ARHGEF37: variants seen among roughly 807,000 people sequenced by gnomAD.
The protein encoded by ARHGEF37 is Rho guanine nucleotide exchange factor (GEF) 37.
Under a neutral mutation model 71.1 loss-of-function variants are expected in ARHGEF37, and 55 were observed. That is an observed-to-expected ratio of 0.77 (90% CI 0.62 to 0.97). The LOEUF is 0.97. ARHGEF37 is among the 50% of genes least tolerant of loss of function. The pLI, the probability that ARHGEF37 is intolerant of heterozygous loss-of-function variation, is 0.00. For synonymous variants in ARHGEF37, 327 were observed against 350.6 expected, an observed-to-expected ratio of 0.93 and a Z score of 0.75; for missense variants, 765 against 836.8, an observed-to-expected ratio of 0.91 and a Z score of 1.06.
At chr5:149,562,619 T>C (rs990408211) in intron 1 of ARHGEF37, among the ~76,000 whole-genome samples, 12 of 152,090 alleles carry the variant, frequency 7.9e-5, no homozygotes, top group Non-Finnish European at 1.2e-4. Flanking sequence ...GCTAACTTTT[T>C]GTATTTTTAG....
intron 1 of ARHGEF37, among the ~76,000 whole-genome samples, chr5:149,556,587 A>C (rs1362007220): frequency 6.6e-6 from 1 of 152,014 alleles, no homozygotes; most frequent in African/African-American, 2.4e-5. Context: ...GGGTTTCACC[A>C]TGTTGACCAG....
chr5:149,620,823 CCTT>C (rs1395904690), intron 8 of ARHGEF37, among the ~76,000 whole-genome samples: 1 of 67,234 alleles, frequency 1.5e-5, no homozygotes, highest in Non-Finnish European at 3.2e-5. Flanking sequence ...GAGTGAGACT[CCTT>C]CTCAAAAAAA....
intron 2 of ARHGEF37, among the ~76,000 whole-genome samples, chr5:149,600,522 A>T (rs1423451655): frequency 2.0e-5 from 3 of 152,256 alleles, no homozygotes; most frequent in Admixed American, 6.5e-5. Flanking sequence ...CTTCAATGAC[A>T]GATGGGGAAA....
intron 1 of ARHGEF37, among the ~76,000 whole-genome samples, chr5:149,572,198 G>A (rs976327679): frequency 1.3e-5 from 2 of 152,130 alleles, no homozygotes; most frequent in Non-Finnish European, 2.9e-5. Context: ...TTCAATGGAG[G>A]AAAAGAAAGT....
At chr5:149,569,768 G>A (rs944959533) in intron 1 of ARHGEF37, among the ~76,000 whole-genome samples, 14 of 151,802 alleles carry the variant, frequency 9.2e-5, no homozygotes, top group South Asian at 2.1e-4. Context: ...TTACAGGTGC[G>A]CACCACCACG....
intron 4 of ARHGEF37, among the ~76,000 whole-genome samples, chr5:149,612,664 G>T (rs1478536385): frequency 6.6e-6 from 1 of 152,174 alleles, no homozygotes. Context: ...AATGTTCAGG[G>T]GGACATATGA....
intron 1 of ARHGEF37, among the ~76,000 whole-genome samples, chr5:149,582,417 G>C (rs1763127876): frequency 6.6e-6 from 1 of 152,210 alleles, no homozygotes; most frequent in African/African-American, 2.4e-5. Flanking sequence ...TGTGCGTCCA[G>C]ACAGCCAGCT....
intron 1 of ARHGEF37, among the ~76,000 whole-genome samples, chr5:149,564,583 G>A (rs1382494631): frequency 2.0e-5 from 3 of 152,158 alleles, no homozygotes; most frequent in Non-Finnish European, 2.9e-5. Context: ...CCAGCACTTT[G>A]GGAGGCCAAG....
At chr5:149,585,254 A>G (rs1763199425) in intron 1 of ARHGEF37, among the ~76,000 whole-genome samples, 1 of 152,218 alleles carries the variant, frequency 6.6e-6, no homozygotes, top group Non-Finnish European at 1.5e-5. Context: ...ATACACACTT[A>G]ACTTATAAAG....
intron 1 of ARHGEF37, among the ~76,000 whole-genome samples, chr5:149,587,352 C>T (rs1763267940): frequency 6.6e-6 from 1 of 152,116 alleles, no homozygotes; most frequent in Admixed American, 6.5e-5. Context: ...AATGGTAATG[C>T]TACCCTTTCC....
chr5:149,572,153 T>C (rs1762974515), intron 1 of ARHGEF37, among the ~76,000 whole-genome samples: 1 of 152,278 alleles, frequency 6.6e-6, no homozygotes, highest in South Asian at 2.1e-4. Flanking sequence ...CACCTTTATA[T>C]GGTCAATTGA....
chr5:149,586,520 C>T (rs1422555569), intron 1 of ARHGEF37, among the ~76,000 whole-genome samples: 2 of 152,236 alleles, frequency 1.3e-5, no homozygotes, highest in East Asian at 3.9e-4. Context: ...GCCTCGGCCT[C>T]CCGAAGTGCC....
chr5:149,602,816 G>C (rs1381073825), intron 3 of ARHGEF37, among the ~76,000 whole-genome samples: 4 of 152,088 alleles, frequency 2.6e-5, no homozygotes, highest in Non-Finnish European at 5.9e-5. Context: ...AAAGGAGGAG[G>C]AGATGAAGGT....
At chr5:149,622,235 T>C (rs1752569191) in intron 9 of ARHGEF37, among the ~76,000 whole-genome samples, 173 bp downstream of exon 9, 1 of 152,116 alleles carries the variant, frequency 6.6e-6, no homozygotes, top group Non-Finnish European at 1.5e-5. Context: ...ATGCCCAGTC[T>C]CCCTCTGTTA....
intron 1 of ARHGEF37, among the ~76,000 whole-genome samples, chr5:149,597,550 C>T (rs1044208777): frequency 2.0e-5 from 3 of 152,134 alleles, no homozygotes; most frequent in African/African-American, 7.2e-5. Context: ...TGAGCCACCA[C>T]CTAAAATGTC....
Position 149,632,090 on chromosome 5 carries a change from T to A in ARHGEF37, c.1927T>A (p.Trp643Arg). Residue 643 changes from tryptophan (W) to arginine (R), a missense_variant, in exon 13 of 13, where the codon TGG (tryptophan) becomes AGG (arginine). Trp to Arg is a moderately radical substitution (Grantham distance 101). Transcript: ENST00000333677. Reference protein sequence around the residue: ...EAQDKKGNPEWSLVEVNGQRG... With the variant: ...EAQDKKGNPERSLVEVNGQRG... ...CCAGGACAAGAAGGGGAACCCTGAG[T>A]GGAGCCTGGTGGAAGTGAATGGACA... is the stretch of plus-strand genomic sequence containing the variant. 1 of 1,614,168 alleles carries A rather than the reference T, an allele frequency of 6.2e-7. No individual in the cohort carries two copies. The highest frequency in any genetic ancestry group is 8.5e-7 in the Non-Finnish European group (1 of 1,180,032).
In ARHGEF37 at chr5:149,597,932, G is replaced by C. The variant is rs1467681578; in HGVS notation, c.163G>C (p.Asp55His). The C allele has an allele frequency of 1.3e-6, 2 of 1,597,984 alleles. No homozygotes were observed. Among genetic ancestry groups the C allele is most frequent in the Admixed American group, 1.7e-5 (1 of 57,304 alleles). The change falls in exon 2 of 13, where the codon GAC (aspartate) becomes CAC (histidine). Residue 55 changes from aspartate (D) to histidine (H), a missense_variant. Asp to His is a moderately conservative substitution (Grantham distance 81). This residue lies in a region of ARHGEF37 where 201 missense variants were observed against 217.5 expected (regional missense o/e 0.92). Coordinates refer to ENST00000333677, the MANE Select transcript of ARHGEF37 (RefSeq NM_001001669.3). The part of the protein sequence containing the change: ...YLHMLQLCAS[D>H]IRSRLQQLPQ... ...GCACATGCTCCAGCTCTGTGCCTCTGACATCAGGAGCCGCCTCCAGCAGGT... is the reference window on the plus strand; with the variant it reads ...GCACATGCTCCAGCTCTGTGCCTCTCACATCAGGAGCCGCCTCCAGCAGGT...
In ARHGEF37 at chr5:149,576,264, A is replaced by C. The variant is rs74294135; in HGVS notation, c.-11-21495A>C. On this transcript the variant is annotated intron_variant, in intron 1 of 2. Coordinates refer to the ARHGEF37 transcript ENST00000505810. ...CGTCTCAAAAGCAAACAAATAAACA[A>C]AGAAATTGTAAAATAGGCCCAGAGA... 0.016 allele frequency among the ~76,000 whole-genome samples: 2,384 copies of C among 152,272 alleles called. 238 individuals carry two copies. The East Asian group carries it at 0.3, about 19-fold the overall frequency.
intron 10 of ARHGEF37, among the ~76,000 whole-genome samples, chr5:149,625,007 T>G (rs1035316276): frequency 3.3e-5 from 5 of 151,184 alleles, no homozygotes; most frequent in African/African-American, 9.7e-5. Context: ...CAAGCAATTC[T>G]TCTGCCTCAG....
Sources: gnomAD v4.1 joint callset for allele counts (sites outside exome capture counted in the v4.1 genomes callset) on GRCh38, gnomAD v4.1.1 for gene constraint, gnomAD v4.1.1 regional missense constraint, MANE v1.5 for transcripts, NCBI Gene and HGNC (gene_info 2026-07-23, HGNC 2026-07-21) for gene names.